TBCD: variants seen among roughly 807,000 people sequenced by gnomAD.
The protein encoded by TBCD is tubulin folding cofactor D.
Under a neutral mutation model 169.3 loss-of-function variants are expected in TBCD, and 105 were observed. That is an observed-to-expected ratio of 0.62 (90% CI 0.53 to 0.73). The LOEUF is 0.73. TBCD is among the 30% of genes least tolerant of loss of function. The pLI is 0.00. For synonymous variants in TBCD, 700 were observed against 643.9 expected (o/e 1.09, Z -1.32); for missense variants, 1,444 against 1,600.1 (o/e 0.90, Z 1.66).
At chr17:82,815,405 G>GC (rs1671103198) in intron 13 of TBCD, among the ~76,000 whole-genome samples, 1 of 152,198 alleles carries the variant, frequency 6.6e-6, no homozygotes, top group Non-Finnish European at 1.5e-5. Context: ...GGGTCACCTG[G>GC]AGTGACGTGG....
chr17:82,831,558 T>C lies in TBCD; in HGVS notation c.1318+16624T>C. ...AAAACCTGTAGTGATCGTATGTGGC[T>C]GGAGATGGAGCCAGGTGCTTAGGGA... On this transcript the variant is annotated intron_variant, in intron 13 of 38. Coordinates refer to ENST00000355528, the MANE Select transcript of TBCD (RefSeq NM_005993.5). The surrounding 1 kb of genome is among the most constrained non-coding windows in gnomAD (Gnocchi z 4.6). 1 of 1,614,022 alleles carries C rather than the reference T, an allele frequency of 6.2e-7. No individual in the cohort carries two copies. The highest frequency in any genetic ancestry group is 8.5e-7 in the Non-Finnish European group (1 of 1,179,988).
intron 1 of TBCD, among the ~76,000 whole-genome samples, chr17:82,754,504 T>C (rs1217522123): frequency 1.3e-5 from 2 of 152,250 alleles, no homozygotes; most frequent in Admixed American, 1.3e-4. Context: ...TCAAGAATAA[T>C]GGCTGGCAAT....
In TBCD at chr17:82,942,441, T is replaced by G. The variant is rs779848425; in HGVS notation, c.3565-8T>G. 4.5e-5 allele frequency: 72 copies of G among 1,613,780 alleles called. 1 individual carries two copies. In the South Asian group the frequency reaches 7.8e-4, roughly 17 times the overall value. On this transcript the variant is annotated splice_region_variant and splice_polypyrimidine_tract_variant and intron_variant, in intron 38 of 38. Transcript: ENST00000355528. ...GACCAGCCTGAGCTTGTCTTGTCTC[T>G]TCTTCAGCCTGGTGCCTGCTGAAGC...
At chr17:82,810,262 G>C (rs1320629500) in intron 12 of TBCD, among the ~76,000 whole-genome samples, 1 of 152,210 alleles carries the variant, frequency 6.6e-6, no homozygotes, top group Non-Finnish European at 1.5e-5. Context: ...TTCAAGACCA[G>C]CCTGGGCAAC....
At chr17:82,829,216 C>G (rs1018753325) in intron 13 of TBCD, among the ~76,000 whole-genome samples, 1 of 151,264 alleles carries the variant, frequency 6.6e-6, no homozygotes, top group African/African-American at 2.4e-5. Flanking sequence ...CACATCCACA[C>G]GATCAAATGT....
At chr17:82,753,229 C>T (rs911973638) in intron 1 of TBCD, among the ~76,000 whole-genome samples, 2 of 151,968 alleles carry the variant, frequency 1.3e-5, no homozygotes, top group African/African-American at 4.8e-5. Flanking sequence ...GGTGGGGGGC[C>T]TTGTGGGAGG....
intron 7 of TBCD, among the ~76,000 whole-genome samples, chr17:82,786,967 C>A (rs1034553893): frequency 6.6e-6 from 1 of 152,016 alleles, no homozygotes; most frequent in African/African-American, 2.4e-5. Context: ...CGGCTCGCTG[C>A]CCCATTCCCC....
At chr17:82,845,607 C>T (rs1266623091) in intron 13 of TBCD, among the ~76,000 whole-genome samples, 2 of 151,966 alleles carry the variant, frequency 1.3e-5, no homozygotes, top group African/African-American at 2.4e-5. Flanking sequence ...GCTCTCCCTC[C>T]GTCCTGTCCG....
At chr17:82,820,298 A>G (rs549942941) in intron 13 of TBCD, among the ~76,000 whole-genome samples, 44 of 152,368 alleles carry the variant, frequency 2.9e-4, no homozygotes, top group African/African-American at 9.4e-4. Flanking sequence ...TTTTGATAAA[A>G]TGTATACATG....
At chr17:82,837,844 C>A (rs1174054000) in intron 13 of TBCD, among the ~76,000 whole-genome samples, 1 of 152,188 alleles carries the variant, frequency 6.6e-6, no homozygotes, top group Non-Finnish European at 1.5e-5. Context: ...TGGCACAAAG[C>A]CTTCTTTCTC....
intron 5 of TBCD, among the ~76,000 whole-genome samples, chr17:82,769,932 GATTA>G (rs1185066100): frequency 6.6e-6 from 1 of 151,684 alleles, no homozygotes; most frequent in Admixed American, 6.6e-5. Context: ...GATCATCAGT[GATTA>G]ATTAACTGTG....
Position 82,831,510 on chromosome 17 carries a change from C to T in TBCD, c.1318+16576C>T. 2 of 1,614,066 alleles carry T rather than the reference C, an allele frequency of 1.2e-6. No homozygotes were observed. The highest frequency in any genetic ancestry group is 2.2e-5 in the South Asian group (2 of 91,072). On this transcript the variant is annotated intron_variant, in intron 13 of 38. Coordinates refer to ENST00000355528, the MANE Select transcript of TBCD (RefSeq NM_005993.5). The surrounding 1 kb of genome is among the most constrained non-coding windows in gnomAD (Gnocchi z 4.6). The stretch of plus-strand genomic sequence containing the variant: ...GCCTGTAAAATCCGTAAGGAATCGG[C>T]AGGTTAGAGGGATATTGCTGGAAAA...
At chr17:82,826,661 T>C (rs1445357742) in intron 13 of TBCD, among the ~76,000 whole-genome samples, 1 of 152,184 alleles carries the variant, frequency 6.6e-6, no homozygotes, top group Non-Finnish European at 1.5e-5. Context: ...AGCAGTCCTC[T>C]CACCTCAGCC....
intron 14 of TBCD, among the ~76,000 whole-genome samples, 187 bp from the exon 15 acceptor site, chr17:82,883,958 C>T (rs1279857550): frequency 6.6e-6 from 1 of 152,134 alleles, no homozygotes; most frequent in Non-Finnish European, 1.5e-5. Flanking sequence ...CACATGGCGT[C>T]TGGTGTCTTG....
At chr17:82,766,756 T>C (rs1326050936) in intron 4 of TBCD, among the ~76,000 whole-genome samples, 1 of 152,196 alleles carries the variant, frequency 6.6e-6, no homozygotes, top group Non-Finnish European at 1.5e-5. Flanking sequence ...TCACTTGTTA[T>C]GGCAAAATAA....
At chr17:82,794,998 C>T (rs534499228) in intron 7 of TBCD, among the ~76,000 whole-genome samples, 43 of 152,316 alleles carry the variant, frequency 2.8e-4, no homozygotes, top group Admixed American at 2.5e-3. Flanking sequence ...TAGCTGGGGA[C>T]GGTGGAAGCT....
At chr17:82,926,028 AGAGGC>A (rs1297752533) in intron 27 of TBCD, among the ~76,000 whole-genome samples, 2 of 3,354 alleles carry the variant, frequency 6.0e-4, no homozygotes, top group African/African-American at 1.7e-3. Context: ...GGGGCCGTGG[AGAGGC>A]TGGAGGTGAC....
chr17:82,815,206 C>T (rs888385011), intron 13 of TBCD, among the ~76,000 whole-genome samples: 1 of 152,200 alleles, frequency 6.6e-6, no homozygotes, highest in Admixed American at 6.5e-5. Context: ...CCTCTTTTGT[C>T]TGCTGTGGAA....
intron 21 of TBCD, among the ~76,000 whole-genome samples, chr17:82,908,825 A>G (rs1287253007): frequency 2.0e-5 from 3 of 152,258 alleles, no homozygotes; most frequent in African/African-American, 4.8e-5. Context: ...TAAAGAATAC[A>G]TTTTAAAGAA....
Sources: gnomAD v4.1 joint callset for allele counts (sites outside exome capture counted in the v4.1 genomes callset) on GRCh38, gnomAD v4.1.1 for gene constraint, Gnocchi (gnomAD v3.1) non-coding constraint, MANE v1.5 for transcripts, NCBI Gene and HGNC (gene_info 2026-07-23, HGNC 2026-07-21) for gene names.